Variants in ANKDD1B observed in about 807,000 individuals in gnomAD.
The protein encoded by ANKDD1B is ankyrin repeat and death domain containing 1B.
A neutral mutation model predicts 59.7 loss-of-function variants in ANKDD1B; 57 were observed. The observed-to-expected ratio is 0.95, with a 90% confidence interval of 0.77 to 1.19. The LOEUF is 1.19. Ranked by LOEUF, ANKDD1B falls within the 50% of genes most tolerant of loss-of-function variation. The pLI, the probability that ANKDD1B is intolerant of heterozygous loss-of-function variation, is 0.00. For synonymous variants in ANKDD1B, 216 were observed against 239.5 expected, an observed-to-expected ratio of 0.90 and a Z score of 0.91; for missense variants, 602 against 641.9, an observed-to-expected ratio of 0.94 and a Z score of 0.67.
At chr5:75,629,625 A>G (rs532724374) in intron 5 of ANKDD1B, among the ~76,000 whole-genome samples, 40 of 151,754 alleles carry the variant, frequency 2.6e-4, no homozygotes, top group Non-Finnish European at 5.1e-4. Context: ...AAAAAAATTA[A>G]ATGCATTGAG....
chr5:75,635,685 AAAAT>A, intron 6 of ANKDD1B, 95 bp from the exon 7 acceptor site: 2 of 731,456 alleles, frequency 2.7e-6, no homozygotes, highest in African/African-American at 3.6e-5. Flanking sequence ...AGCTTTAACC[AAAAT>A]GAAAACTTCC....
chr5:75,659,850 T>C (rs1775077742), intron 10 of ANKDD1B, among the ~76,000 whole-genome samples: 1 of 152,190 alleles, frequency 6.6e-6, no homozygotes, highest in African/African-American at 2.4e-5. Context: ...GGCATACCTA[T>C]AACTAGTATA....
At chr5:75,657,998 G>A (rs985060230) in intron 9 of ANKDD1B, among the ~76,000 whole-genome samples, 1 of 151,604 alleles carries the variant, frequency 6.6e-6, no homozygotes, top group African/African-American at 2.4e-5. Flanking sequence ...GATTGCCTGA[G>A]GCCAGGAGTT....
At chr5:75,656,620 G>C (rs188720347) in intron 9 of ANKDD1B, among the ~76,000 whole-genome samples, 1 of 152,204 alleles carries the variant, frequency 6.6e-6, no homozygotes, top group Non-Finnish European at 1.5e-5. Flanking sequence ...CAAATGACTC[G>C]TTAAAGTAAT....
In ANKDD1B at chr5:75,611,584, C is replaced by G; in HGVS notation, c.-51C>G. ...TCTGTGTCCGAGTCTGGGTCTGGAT[C>G]TGGGTCCGAGTCTGGGTCTGGCCCT... is the stretch of plus-strand genomic sequence containing the variant. On this transcript the variant is annotated 5_prime_UTR_variant, in exon 1 of 14. The change creates a new upstream start codon in the 5' untranslated region. Coordinates refer to ENST00000601380, the MANE Select transcript of ANKDD1B (RefSeq NM_001276713.2). 1 of 1,087,274 alleles carries G rather than the reference C, an allele frequency of 9.2e-7. No individual in the cohort carries two copies. Among genetic ancestry groups the G allele is most frequent in the Non-Finnish European group, 1.1e-6 (1 of 875,990 alleles). The allele number at this position is 1,087,274 out of a possible 1,614,324, so 67.4% of individuals were successfully genotyped here.
intron 9 of ANKDD1B, among the ~76,000 whole-genome samples, chr5:75,658,194 C>A (rs1775023739): frequency 1.4e-5 from 2 of 145,866 alleles, no homozygotes; most frequent in South Asian, 4.8e-4. Context: ...AAGAAACTGT[C>A]TCTAAGAAAA....
Position 75,635,815 on chromosome 5 carries a change from A to C in ANKDD1B, c.731A>C (p.Lys244Thr), listed in dbSNP as rs2112979702. ...AACACTGCCTTGCACCTCGCTGCGA[A>C]GCATGGTCACAGTCCTGCAGTGCAG... ...GGNTALHLAA[K>T]HGHSPAVQVL... The change falls in exon 7 of 14, where the codon AAG (lysine) becomes ACG (threonine). Residue 244 changes from lysine to threonine, a missense_variant. Physicochemically the swap from Lys to Thr is moderately conservative, Grantham distance 78. Around this residue, in one of 3 missense-constraint regions of ANKDD1B, gnomAD observed 317 missense variants for 304.6 expected, o/e 1.04. Transcript: ENST00000601380. 1 of 1,533,570 alleles carries C rather than the reference A, an allele frequency of 6.5e-7. No individual in the cohort carries two copies. The highest frequency in any genetic ancestry group is 1.7e-4 in the Middle Eastern group (1 of 5,982). The allele number at this position is 1,533,570 out of a possible 1,614,324, so 95.0% of individuals were successfully genotyped here. A position where few individuals can be genotyped will look rare whatever the true frequency, so the allele number is the denominator to read the frequency against.
intron 11 of ANKDD1B, among the ~76,000 whole-genome samples, chr5:75,664,347 T>G (rs757304285): frequency 6.6e-5 from 10 of 152,240 alleles, no homozygotes; most frequent in Non-Finnish European, 1.5e-4. Context: ...TTGATATATA[T>G]GGATTCTTTT....
In ANKDD1B at chr5:75,635,085, G is replaced by A. The variant is rs1362557306; in HGVS notation, c.699+89G>A. On this transcript the variant is annotated intron_variant, in intron 6 of 13. Coordinates refer to ENST00000601380, the MANE Select transcript of ANKDD1B (RefSeq NM_001276713.2). ...GGGTAACAATTGGCATGTAGATTTG[G>A]TGAGGGCGTTTTAGTCAGCAGGAGA... 1.6e-5 allele frequency: 14 copies of A among 855,264 alleles called. No homozygotes were observed. In the Admixed American group the frequency reaches 2.5e-4, roughly 16 times the overall value. The allele number at this position is 855,264 out of a possible 1,614,324, so 53.0% of individuals were successfully genotyped here.
In ANKDD1B at chr5:75,627,610, G is replaced by A. The variant is rs566489843; in HGVS notation, c.600+1655G>A. On this transcript the variant is annotated intron_variant, in intron 5 of 13. Coordinates refer to ENST00000601380, the MANE Select transcript of ANKDD1B (RefSeq NM_001276713.2). ...AAATGCTATTTAGTATCAGAATAAG[G>A]AAGTTGAATCTTCCTAATTTTATCC... is the stretch of plus-strand genomic sequence containing the variant. Among the ~76,000 whole-genome samples the A allele has an allele frequency of 1.1e-4, 17 of 152,288 alleles. No individual in the cohort carries two copies. The South Asian group carries it at 3.5e-3, about 32-fold the overall frequency.
chr5:75,651,457 A>C (rs1431783519), intron 7 of ANKDD1B, among the ~76,000 whole-genome samples: 1 of 152,264 alleles, frequency 6.6e-6, no homozygotes, highest in Non-Finnish European at 1.5e-5. Context: ...CTCCTTGGGC[A>C]CTAAGCAAAG....
Position 75,611,770 on chromosome 5 carries a change from A to G in ANKDD1B, c.136A>G (p.Ile46Val). 1 of 1,231,946 alleles carries G rather than the reference A, an allele frequency of 8.1e-7. No individual in the cohort carries two copies. The highest frequency in any genetic ancestry group is 3.2e-5 in the East Asian group (1 of 31,702). 76.3% of individuals were successfully genotyped at this position (1,231,946 alleles called of 1,614,324 possible). ...CCTGCCTTGGAGGAGCCTGTCCCGG[A>G]TCCCGAAGCGGGAGGGTCTTGGAGA... ...AALPWRSLSR[I>V]PKREGLGEED... Residue 46 changes from isoleucine (I) to valine (V), a missense_variant, in exon 1 of 14, where the codon ATC becomes GTC. Around this residue, in one of 3 missense-constraint regions of ANKDD1B, gnomAD observed 317 missense variants for 304.6 expected, o/e 1.04. Transcript: ENST00000601380.
At chr5:75,626,159 G>A (rs1378614389) in intron 5 of ANKDD1B, among the ~76,000 whole-genome samples, 1 of 152,132 alleles carries the variant, frequency 6.6e-6, no homozygotes, top group Non-Finnish European at 1.5e-5. Flanking sequence ...GGGAGAACAG[G>A]AAATGTTGAG....
At chr5:75,639,824 C>G (rs1774416573) in intron 7 of ANKDD1B, among the ~76,000 whole-genome samples, 1 of 152,076 alleles carries the variant, frequency 6.6e-6, no homozygotes, top group Non-Finnish European at 1.5e-5. Flanking sequence ...TCTTTTTCCT[C>G]TATGTTTTGG....
At chr5:75,655,073 C>G (rs1774933257) in intron 8 of ANKDD1B, among the ~76,000 whole-genome samples, 1 of 152,180 alleles carries the variant, frequency 6.6e-6, no homozygotes, top group Non-Finnish European at 1.5e-5. Context: ...GTCTCTACTC[C>G]TGGAGGCATG....
chr5:75,616,776 C>A, intron 1 of ANKDD1B, 28 bp from the exon 2 acceptor site: 1 of 1,135,354 alleles, frequency 8.8e-7, no homozygotes, highest in Non-Finnish European at 1.3e-6. Context: ...TAAATTCCCT[C>A]AGTCATGCTT....
rs936662142 is a variant in ANKDD1B at position 75,635,719 on chromosome 5, T to C, written c.700-65T>C. 7 of 1,061,664 alleles carry C rather than the reference T, an allele frequency of 6.6e-6. 1 individual carries two copies. The African/African-American group carries it at 9.5e-5, about 14-fold the overall frequency. 65.8% of individuals were successfully genotyped at this position (1,061,664 alleles called of 1,614,324 possible). A position where few individuals can be genotyped will look rare whatever the true frequency, so the allele number is the denominator to read the frequency against. On this transcript the variant is annotated intron_variant, in intron 6 of 13. Transcript: ENST00000601380. Reference sequence around the variant, plus strand: ...ACTTCCAGAAACTCCATTGCAGCCCTTACTATTGAAGGAGCATGCTCTCCT... The same window carrying C: ...ACTTCCAGAAACTCCATTGCAGCCCCTACTATTGAAGGAGCATGCTCTCCT...
At chr5:75,640,809 A>G (rs977678853) in intron 7 of ANKDD1B, among the ~76,000 whole-genome samples, 5 of 152,246 alleles carry the variant, frequency 3.3e-5, no homozygotes, top group African/African-American at 1.2e-4. Context: ...TTTAGAATTA[A>G]TATTTATAAT....
At chr5:75,640,756 T>G (rs1218046219) in intron 7 of ANKDD1B, among the ~76,000 whole-genome samples, 1 of 152,222 alleles carries the variant, frequency 6.6e-6, no homozygotes. Flanking sequence ...ACTTAAAATG[T>G]TCTTTGGAAA....
Sources: gnomAD v4.1 joint callset for allele counts (sites outside exome capture counted in the v4.1 genomes callset) on GRCh38, gnomAD v4.1.1 for gene constraint, gnomAD v4.1.1 regional missense constraint, MANE v1.5 for transcripts, NCBI Gene and HGNC (gene_info 2026-07-23, HGNC 2026-07-21) for gene names.